SLC24A4: variants seen among roughly 807,000 people sequenced by gnomAD.
The protein encoded by SLC24A4 is solute carrier family 24 member 4, also known as sodium/potassium/calcium exchanger 4.
SLC24A4 carries 53 observed loss-of-function variants against 79.0 expected under a neutral mutation model. The ratio of observed to expected loss-of-function variants is 0.67; its 90% CI spans 0.54 to 0.84. The LOEUF is 0.84. Among genes scored for constraint, SLC24A4 ranks in the 40% least tolerant of loss-of-function variants. The pLI, the probability that SLC24A4 is intolerant of heterozygous loss-of-function variation, is 0.00. For synonymous variants in SLC24A4, 323 were observed against 323.8 expected (o/e 1.00, Z 0.03); for missense variants, 731 against 822.0 (o/e 0.89, Z 1.35).
At chr14:92,469,726 G>C (rs12882202) in intron 12 of SLC24A4, among the ~76,000 whole-genome samples, 12 of 151,992 alleles carry the variant, frequency 7.9e-5, no homozygotes, top group African/African-American at 2.9e-4. Context: ...TAGAATATTA[G>C]TCAGCCCTAA....
rs1290407960 is a variant in SLC24A4, at chr14:92,366,326, G to A, written c.241+40348G>A. ...GGTGGGCAGATGGTCCTGAGGTGAC[G>A]GGGTTGGAGTCCATCCCCTCGGGCA... On this transcript the variant is annotated intron_variant, in intron 2 of 16. Transcript: ENST00000532405. 3.9e-5 allele frequency among the ~76,000 whole-genome samples: 6 copies of A among 152,314 alleles called. No individual in the cohort carries two copies. In the South Asian group the frequency reaches 8.3e-4, roughly 21 times the overall value.
At chr14:92,457,893 T>A (rs1893572735) in intron 12 of SLC24A4, among the ~76,000 whole-genome samples, 1 of 152,228 alleles carries the variant, frequency 6.6e-6, no homozygotes, top group African/African-American at 2.4e-5. Context: ...CTGTCCTGCC[T>A]CTTGTCCCAT....
At chr14:92,330,078 G>A (rs1028554400) in intron 2 of SLC24A4, among the ~76,000 whole-genome samples, 27 of 152,266 alleles carry the variant, frequency 1.8e-4, no homozygotes, top group South Asian at 1.0e-3. Flanking sequence ...AGTCAGAGGT[G>A]GTGCTCGCTG....
rs1248898374 is a variant in SLC24A4, at chr14:92,496,496, G to T, written c.*2868G>T. On this transcript the variant is annotated 3_prime_UTR_variant, in exon 17 of 17. Transcript: ENST00000532405. ...GGCAGAAAAGAAAAAAAAAACCATT[G>T]CACTCAGATGGAAAATGCCTATAGA... is the stretch of plus-strand genomic sequence containing the variant. 6.6e-6 allele frequency: 1 copy of T among 152,010 alleles called. No individual in the cohort carries two copies. Among genetic ancestry groups the T allele is most frequent in the East Asian group, 1.9e-4 (1 of 5,196 alleles). The allele number at this position is 152,010 out of a possible 1,614,324, so 9.4% of individuals were successfully genotyped here.
At chr14:92,427,840 C>T (rs1289798422) in intron 2 of SLC24A4, among the ~76,000 whole-genome samples, 3 of 152,174 alleles carry the variant, frequency 2.0e-5, no homozygotes, top group East Asian at 1.9e-4. Context: ...TATTAGGAGG[C>T]GGGGCCTTTG....
At chr14:92,368,458 T>C (rs1406625667) in intron 2 of SLC24A4, among the ~76,000 whole-genome samples, 1 of 152,186 alleles carries the variant, frequency 6.6e-6, no homozygotes, top group African/African-American at 2.4e-5. Context: ...GAATTTCCTA[T>C]AGTAAATGGG....
At chr14:92,474,864 T>TATATATATATATATATATATATATATA in intron 12 of SLC24A4, among the ~76,000 whole-genome samples, 1 of 38,974 alleles carries the variant, frequency 2.6e-5, no homozygotes, top group Non-Finnish European at 4.9e-5. Flanking sequence ...TATATATATA[T>TATATATATATATATATATATATATATA]TTTTTTTTTT....
intron 2 of SLC24A4, among the ~76,000 whole-genome samples, chr14:92,380,074 C>G (rs1394802321): frequency 6.6e-6 from 1 of 152,196 alleles, no homozygotes; most frequent in East Asian, 1.9e-4. Context: ...GTGCCTGTGC[C>G]TGCTGCACCT....
chr14:92,386,636 C>A (rs1251609260), intron 2 of SLC24A4, among the ~76,000 whole-genome samples: 1 of 152,170 alleles, frequency 6.6e-6, no homozygotes, highest in Non-Finnish European at 1.5e-5. Flanking sequence ...TCTCCTCTCA[C>A]CCTAAAAGGC....
intron 13 of SLC24A4, 122 bp from the exon 14 acceptor site, chr14:92,486,544 G>A (rs770743416): frequency 3.2e-5 from 21 of 650,628 alleles, no homozygotes; most frequent in Non-Finnish European, 5.7e-5. Context: ...TTTTAAAAGA[G>A]GCAGCCCCAG....
chr14:92,333,910 A>C (rs867723784), intron 2 of SLC24A4, among the ~76,000 whole-genome samples: 1 of 152,146 alleles, frequency 6.6e-6, no homozygotes, highest in African/African-American at 2.4e-5. Context: ...ATCACCAAGC[A>C]GGTGCCCTCA....
At chr14:92,440,839 G>A (rs552593114) in intron 4 of SLC24A4, among the ~76,000 whole-genome samples, 1 of 151,512 alleles carries the variant, frequency 6.6e-6, no homozygotes, top group African/African-American at 2.4e-5. Context: ...GTGGGAAGGA[G>A]TTTAGCAAGC....
chr14:92,483,484 C>G (rs1269204404), intron 13 of SLC24A4, among the ~76,000 whole-genome samples: 2 of 152,200 alleles, frequency 1.3e-5, no homozygotes, highest in African/African-American at 2.4e-5. Flanking sequence ...AGCCCATGAT[C>G]TCAACTACTA....
At position 92,323,923 on chromosome 14, in the gene SLC24A4, C is replaced by T; in HGVS notation, c.93C>T (p.Ala31=). 2 of 1,611,272 alleles carry T rather than the reference C, an allele frequency of 1.2e-6. No homozygotes were observed. Among genetic ancestry groups the T allele is most frequent in the Non-Finnish European group, 1.7e-6 (2 of 1,179,770 alleles). ...QQVGFVCAVL[A]LVCCASGLFG... is the part of the protein sequence containing the mutation. ...TCGGCTTCGTGTGCGCGGTGCTGGC[C>T]CTGGTGTGCTGTGCGTCCGGCCTCT... is the stretch of plus-strand genomic sequence containing the variant. The change falls in exon 1 of 17, where the codon GCC becomes GCT. Residue 31 remains alanine (A), a synonymous_variant. Transcript: ENST00000532405. This position sits in a 1 kb window ranked among gnomAD's most constrained non-coding sequence, Gnocchi z 4.9.
In SLC24A4 at chr14:92,457,952, G is replaced by A. The variant is rs139708817; in HGVS notation, c.1255+1344G>A. Among the ~76,000 whole-genome samples the A allele has an allele frequency of 3.4e-3, 520 of 152,310 alleles. 2 individuals are homozygous for A. Among genetic ancestry groups the A allele is most frequent in the African/African-American group, 0.012 (485 of 41,570 alleles). On this transcript the variant is annotated intron_variant, in intron 12 of 16. Transcript: ENST00000532405. ...GTAGGTGGCGTGGGCCTGGCAGGCT[G>A]GGGTGCCCTGCCCCCTGCTTTCATG...
At chr14:92,327,083 C>T (rs1885186355) in intron 2 of SLC24A4, among the ~76,000 whole-genome samples, 2 of 152,338 alleles carry the variant, frequency 1.3e-5, no homozygotes, top group South Asian at 4.1e-4. Flanking sequence ...CTCAAAGTCA[C>T]AGAACTCGTA....
At position 92,327,256 on chromosome 14, in the gene SLC24A4, G is replaced by A. The variant is rs934493562; in HGVS notation, c.241+1278G>A. Among the ~76,000 whole-genome samples, 8 of 152,306 alleles carry A rather than the reference G, an allele frequency of 5.3e-5. No individual in the cohort carries two copies. The East Asian group carries it at 1.2e-3, about 22-fold the overall frequency. ...TTCTGAGAAGTCCACCGGGAGGGAC[G>A]TGGTGGTGGACAAGCTCAGGCTTGC... On this transcript the variant is annotated intron_variant, in intron 2 of 16. Transcript: ENST00000532405.
intron 8 of SLC24A4, among the ~76,000 whole-genome samples, chr14:92,445,771 AC>A (rs367648733): frequency 2.0e-4 from 31 of 152,276 alleles, no homozygotes; most frequent in African/African-American, 6.7e-4. Flanking sequence ...TCAGATCCCT[AC>A]CTCACACCTT....
At chr14:92,433,596 A>C (rs939155285) in intron 2 of SLC24A4, among the ~76,000 whole-genome samples, 3 of 152,292 alleles carry the variant, frequency 2.0e-5, no homozygotes, top group East Asian at 1.9e-4. Flanking sequence ...ATCCTTGTCA[A>C]CACTTACTAC....
Sources: allele counts gnomAD v4.1 joint callset (sites outside exome capture counted in the v4.1 genomes callset), GRCh38; gene constraint gnomAD v4.1.1; non-coding constraint Gnocchi (gnomAD v3.1); transcripts MANE v1.5; gene names NCBI Gene and HGNC (gene_info 2026-07-23, HGNC 2026-07-21).